NUP205: variants seen among roughly 807,000 people sequenced by gnomAD.
NUP205 encodes nucleoporin 205.
A neutral mutation model predicts 253.8 loss-of-function variants in NUP205; 76 were observed. The observed-to-expected ratio is 0.30, with a 90% CI of 0.25 to 0.36. The LOEUF is 0.36. NUP205 is among the 10% of genes least tolerant of loss of function. NUP205 has a pLI of 1.00. For missense variants in NUP205, 2,162 were observed against 2,425.5 expected (o/e 0.89, Z 2.28); for synonymous variants, 832 against 850.1 (o/e 0.98, Z 0.37).
Position 135,618,530 on chromosome 7 carries a change from G to T in NUP205, c.3890G>T (p.Cys1297Phe), listed in dbSNP as rs745353444. The T allele has an allele frequency of 1.2e-6, 2 of 1,614,000 alleles. No individual in the cohort carries two copies. The highest frequency in any genetic ancestry group is 1.1e-5 in the South Asian group (1 of 91,068). ...RQLVEIILTA[C>F]PQDLIQAEDR... ...CTAGTAGAAATTATACTGACAGCTT[G>T]TCCCCAGGACCTCATTCAGGCAGAG... Residue 1297 changes from cysteine (C) to phenylalanine (F), a missense_variant, in exon 28 of 43, where the codon TGT (cysteine) becomes TTT (phenylalanine). This residue lies in a region of NUP205 where 1,144 missense variants were observed against 1,280.9 expected (regional missense o/e 0.89). Coordinates refer to ENST00000285968, the MANE Select transcript of NUP205 (RefSeq NM_015135.3).
At chr7:135,610,813 T>G (rs1356843504) in intron 22 of NUP205, among the ~76,000 whole-genome samples, 1 of 152,190 alleles carries the variant, frequency 6.6e-6, no homozygotes, top group African/African-American at 2.4e-5. Flanking sequence ...TACTGATACC[T>G]TCCTTGTCCT....
At chr7:135,563,855 C>T (rs941645441) in intron 1 of NUP205, among the ~76,000 whole-genome samples, 2 of 151,834 alleles carry the variant, frequency 1.3e-5, no homozygotes, top group Non-Finnish European at 2.9e-5. Flanking sequence ...TCTGGTGGTG[C>T]GCGTGCGCCT....
intron 13 of NUP205, 95 bp downstream of exon 13, chr7:135,594,824 G>A: frequency 1.0e-6 from 1 of 956,020 alleles, no homozygotes; most frequent in Non-Finnish European, 1.6e-6. Flanking sequence ...GGAACTTATA[G>A]TATATCATGA....
At chr7:135,601,902 AT>A (rs1322664522) in intron 17 of NUP205, among the ~76,000 whole-genome samples, 1 of 152,232 alleles carries the variant, frequency 6.6e-6, no homozygotes, top group Non-Finnish European at 1.5e-5. Flanking sequence ...ACTAATTATT[AT>A]TTATTGAATG....
At chr7:135,601,714 CTG>C (rs1251545583) in intron 17 of NUP205, among the ~76,000 whole-genome samples, 2 of 152,168 alleles carry the variant, frequency 1.3e-5, no homozygotes, top group African/African-American at 2.4e-5. Context: ...CTCACTGTCA[CTG>C]TGTTTCACTG....
At chr7:135,567,514 G>A (rs563708572) in intron 1 of NUP205, among the ~76,000 whole-genome samples, 1 of 151,638 alleles carries the variant, frequency 6.6e-6, no homozygotes, top group Non-Finnish European at 1.5e-5. Flanking sequence ...GGAGGCTGAG[G>A]GGGGCAGTAT....
chr7:135,594,648 T>C lies in NUP205; in HGVS notation c.1932T>C (p.Ala644=), dbSNP rs375443812. 1.9e-6 allele frequency: 3 copies of C among 1,613,892 alleles called. No homozygotes were observed. In the African/African-American group the frequency reaches 4.0e-5, roughly 22 times the overall value. Reference sequence around the variant, plus strand: ...GCAGTATTCCCCCTGTCCTAAAAGCTGAGCTACTGAAGACACTCGCAGCTT... The same window carrying C: ...GCAGTATTCCCCCTGTCCTAAAAGCCGAGCTACTGAAGACACTCGCAGCTT... The part of the protein sequence containing the change: ...LQCSIPPVLK[A]ELLKTLAAFG... The change falls in exon 13 of 43, where the codon GCT becomes GCC. Residue 644 remains alanine, a synonymous_variant. Transcript: ENST00000285968.
Position 135,601,513 on chromosome 7 carries a change from T to C in NUP205, c.2512+6T>C. On this transcript the variant is annotated splice_donor_region_variant and intron_variant, in intron 17 of 42. Transcript: ENST00000285968. ...CACCTATGCCCCCTTTCCTGGTATA[T>C]GCTTAAAAGCCTTCATGTCTTGCAA... The C allele has an allele frequency of 3.7e-6, 6 of 1,607,804 alleles. No individual in the cohort carries two copies. The highest frequency in any genetic ancestry group is 5.1e-6 in the Non-Finnish European group (6 of 1,178,288).
At chr7:135,570,776 T>TTAATTATATTTATATATTATATTAATATA (rs1805959794) in intron 1 of NUP205, among the ~76,000 whole-genome samples, 1 of 58,924 alleles carries the variant, frequency 1.7e-5, no homozygotes, top group Non-Finnish European at 3.1e-5. Context: ...TATTAATATA[T>TTAATTATATTTATATATTATATTAATATA]ATTAATTATA....
In NUP205 at chr7:135,601,185, A is replaced by G. The variant is rs569977135; in HGVS notation, c.2375-185A>G. Among the ~76,000 whole-genome samples the G allele has an allele frequency of 2.0e-5, 3 of 152,294 alleles. No homozygotes were observed. In the East Asian group the frequency reaches 5.8e-4, roughly 29 times the overall value. On this transcript the variant is annotated intron_variant, in intron 16 of 42. Coordinates refer to ENST00000285968, the MANE Select transcript of NUP205 (RefSeq NM_015135.3). ...ACAATTTCTCTAATGAGTTAATAGA[A>G]TAGCTGACTAACTGCTTTGTGCAGA...
intron 15 of NUP205, 114 bp downstream of exon 15, chr7:135,598,321 C>A: frequency 1.0e-6 from 1 of 956,908 alleles, no homozygotes; most frequent in Non-Finnish European, 1.6e-6. Flanking sequence ...AATTCACAGT[C>A]TTTGTTTTGA....
In NUP205 at chr7:135,571,226, C is replaced by T; in HGVS notation, c.150C>T (p.Phe50=). ...DKILKKHKPD[F]ISLFKNPPKN... Reference sequence around the variant, plus strand: ...TTTTGAAGAAACACAAACCTGACTTCATCTCATTGTTCAAAAATCCGGTAA... The same window carrying T: ...TTTTGAAGAAACACAAACCTGACTTTATCTCATTGTTCAAAAATCCGGTAA... Residue 50 remains phenylalanine (F), a synonymous_variant, in exon 2 of 43, where the codon TTC becomes TTT. Coordinates refer to ENST00000285968, the MANE Select transcript of NUP205 (RefSeq NM_015135.3). 1 of 1,400,926 alleles carries T rather than the reference C, an allele frequency of 7.1e-7. No individual in the cohort carries two copies. The highest frequency in any genetic ancestry group is 1.9e-5 in the South Asian group (1 of 52,934). 86.8% of individuals were successfully genotyped at this position (1,400,926 alleles called of 1,614,324 possible).
intron 22 of NUP205, among the ~76,000 whole-genome samples, chr7:135,608,205 T>C (rs1256008345): frequency 6.6e-6 from 1 of 151,930 alleles, no homozygotes; most frequent in Admixed American, 6.6e-5. Context: ...TTTGTATTTT[T>C]AGTAGAGACA....
At chr7:135,570,048 TATATAGAGAGAGAGAG>T (rs1350724374) in intron 1 of NUP205, among the ~76,000 whole-genome samples, 38 of 99,784 alleles carry the variant, frequency 3.8e-4, no homozygotes, top group South Asian at 6.9e-4. Context: ...TATATATATA[TATATAGAGAGAGAGAG>T]AGAGAGAGAG....
chr7:135,576,212 C>A, intron 3 of NUP205, 58 bp from the exon 4 acceptor site: 1 of 1,445,338 alleles, frequency 6.9e-7, no homozygotes, highest in Non-Finnish European at 9.6e-7. Flanking sequence ...TGATTTTTGT[C>A]TCCTCCTAAA....
At chr7:135,626,439 T>G in intron 33 of NUP205, 78 bp downstream of exon 33, 2 of 1,493,856 alleles carry the variant, frequency 1.3e-6, no homozygotes, top group Non-Finnish European at 1.8e-6. Flanking sequence ...CAAACATAAT[T>G]TTGCCGCTTA....
chr7:135,628,394 G>A (rs1692229067), intron 34 of NUP205, among the ~76,000 whole-genome samples: 1 of 152,146 alleles, frequency 6.6e-6, no homozygotes, highest in South Asian at 2.1e-4. Context: ...TATTGTGATA[G>A]GAGTAAGCTG....
In NUP205 at chr7:135,593,188, C is replaced by G. The variant is rs765997284; in HGVS notation, c.1826C>G (p.Thr609Ser). Residue 609 changes from threonine (T) to serine (S), a missense_variant, in exon 12 of 43, where the codon ACT (threonine) becomes AGT (serine). Physicochemically the swap from Thr to Ser is moderately conservative, Grantham distance 58. Coordinates refer to ENST00000285968, the MANE Select transcript of NUP205 (RefSeq NM_015135.3). ...AFLQLTSTII[T>S]WSENARLALC... ...TTGCAGCTCACGTCTACCATCATTA[C>G]TTGGGTAGGTAACTCATCCCCAGCA... The G allele has an allele frequency of 2.5e-6, 4 of 1,613,568 alleles. No individual in the cohort carries two copies. In the South Asian group the frequency reaches 4.4e-5, roughly 18 times the overall value.
Position 135,600,887 on chromosome 7 carries a change from G to A in NUP205, c.2292G>A (p.Val764=). ...RAAEKWEVAE[V]VLEVFYKLLR... is the part of the protein sequence containing the mutation. ...TTCTATAGTGGGAAGTTGCTGAGGT[G>A]GTTTTGGAGGTGTTTTATAAATTGC... is the stretch of plus-strand genomic sequence containing the variant. The change falls in exon 16 of 43, where the codon GTG becomes GTA. Residue 764 remains valine, a synonymous_variant. Coordinates refer to ENST00000285968, the MANE Select transcript of NUP205 (RefSeq NM_015135.3). The A allele has an allele frequency of 6.2e-7, 1 of 1,608,042 alleles. No individual in the cohort carries two copies. The highest frequency in any genetic ancestry group is 8.5e-7 in the Non-Finnish European group (1 of 1,175,542).
Sources: allele counts gnomAD v4.1 joint callset (sites outside exome capture counted in the v4.1 genomes callset), GRCh38; gene constraint gnomAD v4.1.1; regional missense constraint gnomAD v4.1.1; transcripts MANE v1.5; gene names NCBI Gene and HGNC (gene_info 2026-07-23, HGNC 2026-07-21).